Variants in PHF21B observed in about 807,000 individuals in gnomAD.
The protein encoded by PHF21B is PHD finger protein 21B.
In PHF21B, 22 loss-of-function variants were observed where a neutral mutation model predicts 62.2. That is an observed-to-expected ratio of 0.35 (90% confidence interval 0.25 to 0.51). The LOEUF (loss-of-function observed/expected upper bound fraction) is 0.51. Ranked by LOEUF, PHF21B falls within the 20% of genes least tolerant of loss-of-function variation. PHF21B has a pLI of 0.97. For synonymous variants in PHF21B, 341 were observed against 314.7 expected, an observed-to-expected ratio of 1.08 and a Z score of -0.88; for missense variants, 701 against 707.9, an observed-to-expected ratio of 0.99 and a Z score of 0.11.
At position 44,916,298 on chromosome 22, in the gene PHF21B, G is replaced by A. The variant is rs1269722630; in HGVS notation, c.546C>T (p.Leu182=). ...VSDSIKVQPL[L]ISADNKPPPR... ...CACTCACCTTGTTGTCAGCACTGAT[G>A]AGGAGGGGCTGGACTTTGATGCTGT... Residue 182 remains leucine, a synonymous_variant, in exon 4 of 13, where the codon CTC becomes CTT. Transcript: ENST00000313237. The A allele has an allele frequency of 1.9e-6, 3 of 1,607,122 alleles. No individual in the cohort carries two copies. Among genetic ancestry groups the A allele is most frequent in the Admixed American group, 3.4e-5 (2 of 58,062 alleles).
intron 2 of PHF21B, chr22:45,003,316 C>T (rs2073253738): frequency 7.2e-6 from 1 of 139,794 alleles, no homozygotes; most frequent in South Asian, 2.3e-4. Context: ...AGCACAGTAG[C>T]TGATCTAGGA....
rs78239137 is a variant in PHF21B, at chr22:44,901,346, C to T, written c.832-5263G>A. ...CTTCCTCACATCATCTTCTCCTCCC[C>T]GAGTCCCCTCCACTGACACTCATTT... On this transcript the variant is annotated intron_variant, in intron 5 of 12. Transcript: ENST00000313237. 6.9e-3 allele frequency among the ~76,000 whole-genome samples: 1,049 copies of T among 152,280 alleles called. 15 individuals carry two copies. Among genetic ancestry groups the T allele is most frequent in the African/African-American group, 0.024 (1,001 of 41,560 alleles).
chr22:44,997,561 A>G (rs1375975381), intron 2 of PHF21B, among the ~76,000 whole-genome samples: 1 of 152,148 alleles, frequency 6.6e-6, no homozygotes, highest in Non-Finnish European at 1.5e-5. Flanking sequence ...CTAGACTCGT[A>G]TTGCTGATTG....
chr22:44,931,624 T>C (rs1208361867), intron 2 of PHF21B, among the ~76,000 whole-genome samples: 1 of 113,794 alleles, frequency 8.8e-6, no homozygotes. Context: ...GAACTAAGGA[T>C]TGGGGGTTGT....
chr22:44,985,077 TG>T (rs1390913146), intron 2 of PHF21B, among the ~76,000 whole-genome samples: 1 of 152,248 alleles, frequency 6.6e-6, no homozygotes, highest in Non-Finnish European at 1.5e-5. Flanking sequence ...ACTTCACTGC[TG>T]GGGTATCGAC....
intron 2 of PHF21B, among the ~76,000 whole-genome samples, chr22:44,976,588 A>G (rs1703647167): frequency 6.6e-6 from 1 of 152,244 alleles, no homozygotes; most frequent in Non-Finnish European, 1.5e-5. Flanking sequence ...TGTTTCTGCA[A>G]GTTATACAAG....
intron 3 of PHF21B, among the ~76,000 whole-genome samples, chr22:44,917,190 G>C (rs1038204111): frequency 2.6e-5 from 4 of 152,372 alleles, no homozygotes; most frequent in African/African-American, 9.6e-5. Context: ...GCAGCCACTG[G>C]GTGGTTCAGG....
intron 2 of PHF21B, among the ~76,000 whole-genome samples, chr22:44,997,763 T>A (rs1450444887): frequency 1.3e-5 from 2 of 152,200 alleles, no homozygotes; most frequent in Non-Finnish European, 2.9e-5. Flanking sequence ...TCCTGCCTCA[T>A]CCCAGCCCTT....
At chr22:44,948,201 C>T (rs973673038) in intron 2 of PHF21B, among the ~76,000 whole-genome samples, 2 of 152,148 alleles carry the variant, frequency 1.3e-5, no homozygotes, top group African/African-American at 4.8e-5. Context: ...GTTATTATTA[C>T]ATTGTAATAG....
intron 2 of PHF21B, among the ~76,000 whole-genome samples, chr22:45,006,300 T>C (rs1271389078): frequency 1.3e-5 from 2 of 152,226 alleles, no homozygotes; most frequent in Non-Finnish European, 2.9e-5. Context: ...CAATGTTGTT[T>C]AGTCATTTAA....
At chr22:44,903,711 G>T (rs1230818829) in intron 5 of PHF21B, among the ~76,000 whole-genome samples, 1 of 152,230 alleles carries the variant, frequency 6.6e-6, no homozygotes, top group African/African-American at 2.4e-5. Flanking sequence ...TGCACCAAAT[G>T]CATATCCCAA....
Position 44,914,868 on chromosome 22 carries a change from C to T in PHF21B, c.565-780G>A, listed in dbSNP as rs114067008. On this transcript the variant is annotated intron_variant, in intron 4 of 12. Coordinates refer to ENST00000313237, the MANE Select transcript of PHF21B (RefSeq NM_138415.5). ...CCCAGCCTCTCCCTGGGCCAGGATCCGCTCCATCTCTAGCTCTACCATTTT... is the reference window on the plus strand; with the variant it reads ...CCCAGCCTCTCCCTGGGCCAGGATCTGCTCCATCTCTAGCTCTACCATTTT... Among the ~76,000 whole-genome samples, 210 of 152,294 alleles carry T rather than the reference C, an allele frequency of 1.4e-3. 1 individual carries two copies. The highest frequency in any genetic ancestry group is 4.9e-3 in the African/African-American group (203 of 41,550).
At chr22:44,997,139 G>T (rs1042146791) in intron 2 of PHF21B, among the ~76,000 whole-genome samples, 11 of 152,078 alleles carry the variant, frequency 7.2e-5, no homozygotes, top group African/African-American at 2.7e-4. Flanking sequence ...ACACCCCAGA[G>T]AATACGCAAA....
intron 2 of PHF21B, among the ~76,000 whole-genome samples, chr22:44,937,979 G>A (rs2071883190): frequency 6.6e-6 from 1 of 152,276 alleles, no homozygotes. Context: ...TGGAGTATAA[G>A]TTACCTGGGT....
Position 45,009,338 on chromosome 22 carries a change from G to T in PHF21B, c.54+158C>A. On this transcript the variant is annotated intron_variant, in intron 1 of 12. Transcript: ENST00000313237. This position sits in a 1 kb window ranked among gnomAD's most constrained non-coding sequence, Gnocchi z 5.9. ...GCAGGCGGAGGGGAGCCCAGAAGGG[G>T]GTCCGCGCGTGTGCTCACTCCCTCG... 1.4e-6 allele frequency: 1 copy of T among 737,936 alleles called. No individual in the cohort carries two copies. Among genetic ancestry groups the T allele is most frequent in the South Asian group, 2.0e-5 (1 of 50,786 alleles). The allele number at this position is 737,936 out of a possible 1,614,324, so 45.7% of individuals were successfully genotyped here. A position where few individuals can be genotyped will look rare whatever the true frequency, so the allele number is the denominator to read the frequency against.
intron 2 of PHF21B, among the ~76,000 whole-genome samples, chr22:44,931,168 T>C (rs1272247128): frequency 6.6e-6 from 1 of 152,164 alleles, no homozygotes; most frequent in East Asian, 1.9e-4. Context: ...GAGTCACCCA[T>C]CTCGGCCTCC....
intron 2 of PHF21B, among the ~76,000 whole-genome samples, chr22:44,973,094 A>AC (rs1333791011): frequency 6.6e-6 from 1 of 151,724 alleles, no homozygotes; most frequent in Non-Finnish European, 1.5e-5. Context: ...CTGACTCCCC[A>AC]CCCCCAGTCA....
intron 5 of PHF21B, among the ~76,000 whole-genome samples, chr22:44,907,359 G>C (rs1333005619): frequency 6.6e-6 from 1 of 152,250 alleles, no homozygotes; most frequent in Non-Finnish European, 1.5e-5. Flanking sequence ...CCTTGGGCAA[G>C]GTGCTGTGAG....
At chr22:44,928,972 G>A (rs1438452840) in intron 2 of PHF21B, among the ~76,000 whole-genome samples, 1 of 152,132 alleles carries the variant, frequency 6.6e-6, no homozygotes, top group Non-Finnish European at 1.5e-5. Flanking sequence ...AGGCGAGAGG[G>A]GAGGCAGCCC....
Sources: allele counts gnomAD v4.1 joint callset (sites outside exome capture counted in the v4.1 genomes callset), GRCh38; gene constraint gnomAD v4.1.1; non-coding constraint Gnocchi (gnomAD v3.1); transcripts MANE v1.5; gene names NCBI Gene and HGNC (gene_info 2026-07-23, HGNC 2026-07-21).